The following SH2B2 variants were observed in gnomAD, a reference collection of about 807,000 sequenced individuals.
SH2B2 encodes SH2B adaptor protein 2.
A neutral mutation model predicts 35.7 loss-of-function variants in SH2B2; 37 were observed. The observed-to-expected ratio is 1.04, with a 90% CI of 0.80 to 1.36. The LOEUF is 1.36. Ranked by LOEUF, SH2B2 falls within the 40% of genes most tolerant of loss-of-function variation. The pLI is 0.00. For missense variants in SH2B2, 852 were observed against 817.7 expected (o/e 1.04, Z -0.51); for synonymous variants, 383 against 376.4 (o/e 1.02, Z -0.20).
At chr7:102,315,041 T>C (rs1045638335) in intron 6 of SH2B2, among the ~76,000 whole-genome samples, 2 of 151,842 alleles carry the variant, frequency 1.3e-5, no homozygotes, top group African/African-American at 2.4e-5. Flanking sequence ...ATATAAAAAT[T>C]AGCTGGGTGT....
intron 2 of SH2B2, among the ~76,000 whole-genome samples, chr7:102,305,000 C>T (rs933062692): frequency 6.6e-6 from 1 of 152,244 alleles, no homozygotes; most frequent in African/African-American, 2.4e-5. Flanking sequence ...AGGCTCACGG[C>T]AGGGAGCTTT....
intron 3 of SH2B2, among the ~76,000 whole-genome samples, chr7:102,308,050 C>T (rs1444643345): frequency 6.6e-6 from 1 of 152,192 alleles, no homozygotes; most frequent in African/African-American, 2.4e-5. Flanking sequence ...GGATTACAGG[C>T]GTGAGCCACC....
chr7:102,308,815 G>A lies in SH2B2; in HGVS notation c.832G>A (p.Val278Ile). ...PEKDNTFVLKVENGAEYILET... is the reference protein window; with the variant it reads ...PEKDNTFVLKIENGAEYILET... ...CACTCCCGGCCACCTTCCTCCCCAG[G>A]TAGAGAATGGAGCCGAATACATCTT... Residue 278 changes from valine to isoleucine, a missense_variant and splice_region_variant, in exon 4 of 9, where the codon GTA becomes ATA. By Grantham distance (29) the Val-to-Ile change is conservative. Coordinates refer to ENST00000444095, the MANE Select transcript of SH2B2 (RefSeq NM_001359228.2). 4 of 1,613,310 alleles carry A rather than the reference G, an allele frequency of 2.5e-6. No homozygotes were observed. The highest frequency in any genetic ancestry group is 3.4e-6 in the Non-Finnish European group (4 of 1,179,534).
upstream of SH2B2, among the ~76,000 whole-genome samples, chr7:102,286,125 GCCCCT>G (rs1563541915): frequency 3.3e-5 from 5 of 152,322 alleles, no homozygotes; most frequent in South Asian, 1.0e-3. Flanking sequence ...CAGGGTTGTG[GCCCCT>G]CATCGCCCCT....
chr7:102,308,772 T>A, intron 3 of SH2B2, 43 bp from the exon 4 acceptor site: 1 of 1,456,506 alleles, frequency 6.9e-7, no homozygotes, highest in Non-Finnish European at 9.6e-7. Context: ...CTGGAGCCCA[T>A]CTGCTGACCG....
intron 2 of SH2B2, among the ~76,000 whole-genome samples, chr7:102,302,329 G>A (rs1554554113): frequency 6.6e-6 from 1 of 152,226 alleles, no homozygotes; most frequent in Non-Finnish European, 1.5e-5. Flanking sequence ...ACTCCATGGG[G>A]CTCTGCTCTT....
intron 4 of SH2B2, among the ~76,000 whole-genome samples, chr7:102,313,316 C>T (rs1246564177): frequency 2.6e-5 from 4 of 151,060 alleles, no homozygotes; most frequent in South Asian, 2.1e-4. Flanking sequence ...GGCATGGTGG[C>T]GCATGCTTGT....
At chr7:102,321,043 G>A (rs530197273) in intron 8 of SH2B2, among the ~76,000 whole-genome samples, 45 of 151,872 alleles carry the variant, frequency 3.0e-4, no homozygotes, top group African/African-American at 1.0e-3. Flanking sequence ...GTGTGCGAGC[G>A]TGTGCATTAT....
intron 1 of SH2B2, among the ~76,000 whole-genome samples, chr7:102,291,759 AC>A (rs1554551816): frequency 6.6e-6 from 1 of 152,044 alleles, no homozygotes; most frequent in Non-Finnish European, 1.5e-5. Flanking sequence ...GGGCTTGAAA[AC>A]CAACGCCCAC....
chr7:102,301,559 C>CGTGTGTGTGT (rs144412397), intron 2 of SH2B2, among the ~76,000 whole-genome samples: 1 of 145,072 alleles, frequency 6.9e-6, no homozygotes, highest in African/African-American at 2.5e-5. Context: ...TGTGTGTGTC[C>CGTGTGTGTGT]GTGTGTGTGT....
chr7:102,318,434 C>T (rs1318577775), intron 7 of SH2B2, among the ~76,000 whole-genome samples: 2 of 152,192 alleles, frequency 1.3e-5, no homozygotes, highest in South Asian at 4.1e-4. Context: ...CCCCCACGCC[C>T]GGCCTATTGA....
chr7:102,305,252 TTTTTA>T (rs149707422), intron 2 of SH2B2, among the ~76,000 whole-genome samples: 6,379 of 151,886 alleles, frequency 0.042, 448 homozygotes, highest in African/African-American at 0.15. Flanking sequence ...ATTTTTTATT[TTTTTA>T]TTTTATTTTA....
intron 8 of SH2B2, 51 bp downstream of exon 8, chr7:102,320,553 G>A: frequency 6.4e-7 from 1 of 1,573,496 alleles, no homozygotes; most frequent in South Asian, 1.2e-5. Context: ...ACTTCCCGTT[G>A]ATTACTCAAG....
chr7:102,317,306 C>A lies in SH2B2; in HGVS notation c.1306C>A (p.Pro436Thr). The change falls in exon 7 of 9, where the codon CCC becomes ACC. Residue 436 changes from proline (P) to threonine (T), a missense_variant. By Grantham distance (38) the Pro-to-Thr change is conservative. Coordinates refer to ENST00000444095, the MANE Select transcript of SH2B2 (RefSeq NM_001359228.2). Reference sequence around the variant, plus strand: ...TGCTCAACTGGTTCTGGCAGGGGGGCCCCGGAACCACGGCCTCTTCGTGAT... The same window carrying A: ...TGCTCAACTGGTTCTGGCAGGGGGGACCCGGAACCACGGCCTCTTCGTGAT... ...KAAQLVLAGG[P>T]RNHGLFVIRQ... The A allele has an allele frequency of 6.2e-7, 1 of 1,613,162 alleles. No individual in the cohort carries two copies. Among genetic ancestry groups the A allele is most frequent in the Non-Finnish European group, 8.5e-7 (1 of 1,179,272 alleles).
chr7:102,315,845 G>A (rs1370219553), intron 6 of SH2B2, among the ~76,000 whole-genome samples: 1 of 151,864 alleles, frequency 6.6e-6, no homozygotes, highest in Non-Finnish European at 1.5e-5. Context: ...TTGGAATCAG[G>A]GATTGGGAAC....
rs1482055772 is a variant in SH2B2 at position 102,315,646 on chromosome 7, G to A, written c.1186+964G>A. Among the ~76,000 whole-genome samples, 10 of 151,348 alleles carry A rather than the reference G, an allele frequency of 6.6e-5. 1 individual carries two copies. In the Admixed American group the frequency reaches 6.6e-4, roughly 10 times the overall value. ...AGTCCCAGCTACTTGGGAGGCCGAGGTGGGAGGATCACTTGAGCCCAGGAG... is the reference window on the plus strand; with the variant it reads ...AGTCCCAGCTACTTGGGAGGCCGAGATGGGAGGATCACTTGAGCCCAGGAG... On this transcript the variant is annotated intron_variant, in intron 6 of 8. Coordinates refer to ENST00000444095, the MANE Select transcript of SH2B2 (RefSeq NM_001359228.2).
intron 2 of SH2B2, among the ~76,000 whole-genome samples, chr7:102,302,636 C>T (rs1554554149): frequency 6.6e-6 from 1 of 152,258 alleles, no homozygotes. Context: ...CACTGTCATC[C>T]TCTGGGTACC....
At chr7:102,302,630 G>A (rs1793236049) in intron 2 of SH2B2, among the ~76,000 whole-genome samples, 1 of 152,252 alleles carries the variant, frequency 6.6e-6, no homozygotes, top group African/African-American at 2.4e-5. Flanking sequence ...CAGACACACT[G>A]TCATCCTCTG....
chr7:102,286,331 G>A (rs1474570666), upstream of SH2B2, among the ~76,000 whole-genome samples: 2 of 152,184 alleles, frequency 1.3e-5, no homozygotes, highest in African/African-American at 4.8e-5. Flanking sequence ...GACTTCCTCC[G>A]TTGCGACATC....
Sources: gnomAD v4.1 joint callset for allele counts (sites outside exome capture counted in the v4.1 genomes callset) on GRCh38, gnomAD v4.1.1 for gene constraint, MANE v1.5 for transcripts, NCBI Gene and HGNC (gene_info 2026-07-23, HGNC 2026-07-21) for gene names.